The following WFDC8 variants were observed in gnomAD, a reference collection of about 807,000 sequenced individuals.
WFDC8 encodes the protein WAP four-disulfide core domain protein 8.
In WFDC8, 24 loss-of-function variants were observed where a neutral mutation model predicts 27.0. The ratio of observed to expected loss-of-function variants is 0.89; its 90% confidence interval spans 0.64 to 1.25. WFDC8 has a LOEUF of 1.25. Ranked by LOEUF, WFDC8 falls within the 50% of genes most tolerant of loss-of-function variation. The probability of loss-of-function intolerance (pLI) is 0.00; values close to 1 mark genes in which losing one functional copy is unlikely to be tolerated. For synonymous variants in WFDC8, 106 were observed against 99.7 expected (o/e 1.06, Z -0.38); for missense variants, 287 against 295.9 (o/e 0.97, Z 0.22).
intron 1 of WFDC8, among the ~76,000 whole-genome samples, chr20:45,572,174 G>A (rs1042299375): frequency 1.3e-5 from 2 of 151,962 alleles, no homozygotes; most frequent in Admixed American, 1.3e-4. Context: ...GCCGAGGCGG[G>A]CGGATCTCAT....
Position 45,552,124 on chromosome 20 carries a change from T to C in WFDC8, c.628A>G (p.Lys210Glu). 2 of 1,614,126 alleles carry C rather than the reference T, an allele frequency of 1.2e-6. No individual in the cohort carries two copies. The highest frequency in any genetic ancestry group is 1.7e-5 in the Admixed American group (1 of 60,022). ...FCPRKPLLCT[K>E]IDKPKCLQDE... is the part of the protein sequence containing the mutation. ...TGCAGGCACTTGGGTTTATCAATCT[T>C]GGTACATAGCAAGGGCTTGCGTGGG... Residue 210 changes from lysine to glutamate, a missense_variant, in exon 6 of 6, where the codon AAG (lysine) becomes GAG (glutamate). By Grantham distance (56) the Lys-to-Glu change is moderately conservative. Transcript: ENST00000289953.
chr20:45,565,524 T>A (rs1449858157), intron 1 of WFDC8, among the ~76,000 whole-genome samples: 1 of 142,326 alleles, frequency 7.0e-6, no homozygotes, highest in Non-Finnish European at 1.6e-5. Flanking sequence ...AATTTTTTTT[T>A]AAAAAAAGCA....
chr20:45,566,068 G>C (rs1980667367), intron 1 of WFDC8, among the ~76,000 whole-genome samples: 1 of 152,054 alleles, frequency 6.6e-6, no homozygotes, highest in South Asian at 2.1e-4. Flanking sequence ...TTTCAGATTA[G>C]ATAAGGTCAC....
chr20:45,567,116 A>C (rs958872099), intron 1 of WFDC8, among the ~76,000 whole-genome samples: 1 of 152,136 alleles, frequency 6.6e-6, no homozygotes, highest in African/African-American at 2.4e-5. Context: ...GAACGTGTGG[A>C]TATGGAGGGC....
Position 45,576,488 on chromosome 20 carries a change from C to T in WFDC8, c.26+2734G>A, listed in dbSNP as rs116477449. ...GATCTTGGCTCACTCCAACCTCCCT[C>T]TCCTGGGTTCAAATGATTCTTGTGC... On this transcript the variant is annotated intron_variant, in intron 1 of 5. Coordinates refer to ENST00000289953, the MANE Select transcript of WFDC8 (RefSeq NM_130896.3). Among the ~76,000 whole-genome samples the T allele has an allele frequency of 2.0e-3, 310 of 151,468 alleles. 6 individuals are homozygous for T. The highest frequency in any genetic ancestry group is 7.1e-3 in the African/African-American group (296 of 41,472).
intron 1 of WFDC8, among the ~76,000 whole-genome samples, chr20:45,569,537 G>A (rs1980796959): frequency 6.6e-6 from 1 of 152,128 alleles, no homozygotes; most frequent in African/African-American, 2.4e-5. Flanking sequence ...TTTAATTTAT[G>A]CATATGTTTT....
intron 5 of WFDC8, among the ~76,000 whole-genome samples, chr20:45,552,526 A>C (rs1980074755): frequency 6.6e-6 from 1 of 152,184 alleles, no homozygotes; most frequent in African/African-American, 2.4e-5. Flanking sequence ...TTTAGAGGGA[A>C]ATGAGTTGCC....
In WFDC8 at chr20:45,576,336, T is replaced by G. The variant is rs542628040; in HGVS notation, c.26+2886A>C. Reference sequence around the variant, plus strand: ...AAATACAAATGTATTCCTGGTGAACTGAGTCTTTTACCATTATCTAGCAAG... The same window carrying G: ...AAATACAAATGTATTCCTGGTGAACGGAGTCTTTTACCATTATCTAGCAAG... On this transcript the variant is annotated intron_variant, in intron 1 of 5. Transcript: ENST00000289953. Among the ~76,000 whole-genome samples the G allele has an allele frequency of 6.4e-4, 97 of 151,458 alleles. 2 individuals are homozygous for G. Among genetic ancestry groups the G allele is most frequent in the Middle Eastern group, 7.0e-3 (2 of 284 alleles).
At chr20:45,556,418 G>C (rs950356240) in intron 3 of WFDC8, among the ~76,000 whole-genome samples, 11 of 135,248 alleles carry the variant, frequency 8.1e-5, no homozygotes, top group Admixed American at 4.5e-4. Flanking sequence ...GTTGAAAATG[G>C]GTCGTAAAGC....
chr20:45,575,356 A>C (rs538964030), intron 1 of WFDC8, among the ~76,000 whole-genome samples: 2 of 152,298 alleles, frequency 1.3e-5, no homozygotes, highest in South Asian at 4.1e-4. Context: ...TACAAAAATC[A>C]GCGGCATTTC....
intron 3 of WFDC8, among the ~76,000 whole-genome samples, chr20:45,558,041 T>C (rs1980332309): frequency 6.6e-6 from 1 of 152,222 alleles, no homozygotes; most frequent in South Asian, 2.1e-4. Context: ...CCCGCCCCCC[T>C]CTAAGCTAAC....
chr20:45,574,511 A>G (rs1980977576), intron 1 of WFDC8, among the ~76,000 whole-genome samples: 1 of 152,160 alleles, frequency 6.6e-6, no homozygotes, highest in South Asian at 2.1e-4. Flanking sequence ...AGGATCATTC[A>G]CAGCCAAGCA....
chr20:45,572,503 C>A (rs1246479017), intron 1 of WFDC8, among the ~76,000 whole-genome samples: 1 of 151,806 alleles, frequency 6.6e-6, no homozygotes, highest in South Asian at 2.1e-4. Flanking sequence ...TGAGGTGATA[C>A]CTCATTGTGA....
intron 3 of WFDC8, among the ~76,000 whole-genome samples, chr20:45,557,525 C>T (rs1980306668): frequency 6.6e-6 from 1 of 152,208 alleles, no homozygotes; most frequent in East Asian, 1.9e-4. Context: ...CTCTGCCTCC[C>T]GAGTTCAAGC....
At chr20:45,571,773 CT>C (rs1980876621) in intron 1 of WFDC8, among the ~76,000 whole-genome samples, 1 of 152,166 alleles carries the variant, frequency 6.6e-6, no homozygotes, top group African/African-American at 2.4e-5. Context: ...GCATAATGTT[CT>C]TCATCTTCAT....
At chr20:45,553,811 C>T (rs62205618) in intron 4 of WFDC8, among the ~76,000 whole-genome samples, 51,726 of 151,916 alleles carry the variant, frequency 0.34, 9,579 homozygotes, top group Non-Finnish European at 0.42. Flanking sequence ...TAAGGTTTTA[C>T]CAGATTTAGG....
rs59225489 is a variant in WFDC8 at position 45,564,674 on chromosome 20, C to CAA, written c.27-2457_27-2456dup. 9.6e-3 allele frequency among the ~76,000 whole-genome samples: 1,143 copies of CAA among 119,608 alleles called. 14 individuals are homozygous for CAA. Among genetic ancestry groups the CAA allele is most frequent in the African/African-American group, 0.029 (964 of 32,828 alleles). 78.5% of individuals were successfully genotyped at this position (119,608 alleles called of 152,430 possible). ...TGGGCAATAGAGAGAGACTCTGTCT[C>CAA]AAAAAAAAAAAAAAAAACTTAGCCC... is the stretch of plus-strand genomic sequence containing the variant. On this transcript the variant is annotated intron_variant, in intron 1 of 5. Coordinates refer to ENST00000289953, the MANE Select transcript of WFDC8 (RefSeq NM_130896.3).
chr20:45,574,106 A>T (rs1980962956), intron 1 of WFDC8, among the ~76,000 whole-genome samples: 1 of 152,188 alleles, frequency 6.6e-6, no homozygotes. Context: ...AAGTGGAATA[A>T]CCTGGAAGAA....
chr20:45,558,159 C>T (rs1248690934), intron 3 of WFDC8, among the ~76,000 whole-genome samples: 3 of 152,142 alleles, frequency 2.0e-5, no homozygotes, highest in Non-Finnish European at 2.9e-5. Context: ...GAATTGCCCC[C>T]GCTTTCTGAC....
Sources: gnomAD v4.1 joint callset for allele counts (sites outside exome capture counted in the v4.1 genomes callset) on GRCh38, gnomAD v4.1.1 for gene constraint, MANE v1.5 for transcripts, NCBI Gene and HGNC (gene_info 2026-07-23, HGNC 2026-07-21) for gene names.